PRRT4: variants seen among roughly 807,000 people sequenced by gnomAD.
PRRT4 encodes proline-rich transmembrane protein 4.
Under a neutral mutation model 55.6 loss-of-function variants are expected in PRRT4, and 59 were observed. That is an observed-to-expected ratio of 1.06 (90% CI 0.86 to 1.32). The LOEUF (loss-of-function observed/expected upper bound fraction) is 1.32. Ranked by LOEUF, PRRT4 falls within the 40% of genes most tolerant of loss-of-function variation. PRRT4 has a pLI of 0.00. For synonymous variants in PRRT4, 606 were observed against 601.8 expected (o/e 1.01, Z -0.10); for missense variants, 1,217 against 1,222.0 (o/e 1.00, Z 0.06).
At chr7:128,357,161 G>A (rs1040610496) in intron 4 of PRRT4, among the ~76,000 whole-genome samples, 1 of 151,776 alleles carries the variant, frequency 6.6e-6, no homozygotes, top group Non-Finnish European at 1.5e-5. Flanking sequence ...AAAGATTCTA[G>A]AGGCAACACA....
At chr7:128,357,325 G>T (rs1002829208) in intron 4 of PRRT4, among the ~76,000 whole-genome samples, 18 of 151,970 alleles carry the variant, frequency 1.2e-4, no homozygotes, top group Admixed American at 9.8e-4. Context: ...GCTCTCCTGG[G>T]TTTATTTAGA....
At chr7:128,360,477 T>C (rs898621637) in intron 1 of PRRT4, among the ~76,000 whole-genome samples, 18 of 152,296 alleles carry the variant, frequency 1.2e-4, no homozygotes, top group African/African-American at 3.8e-4. Context: ...GCCCTTCCGA[T>C]GTCTTGACCT....
At chr7:128,356,516 T>C (rs1315877386) in intron 4 of PRRT4, among the ~76,000 whole-genome samples, 1 of 152,172 alleles carries the variant, frequency 6.6e-6, no homozygotes, top group Non-Finnish European at 1.5e-5. Flanking sequence ...AGCCTTCAGT[T>C]TTCCCCAGAA....
exon 5 of PRRT4, chr7:128,352,242 G>A (rs915941882): frequency 9.3e-5 from 144 of 1,540,930 alleles, no homozygotes; most frequent in Non-Finnish European, 1.2e-4. Flanking sequence ...GCAGCGGAAG[G>A]TCCTGCAGCA....
At chr7:128,353,688 G>C (rs575336953) in intron 4 of PRRT4, among the ~76,000 whole-genome samples, 1 of 152,280 alleles carries the variant, frequency 6.6e-6, no homozygotes, top group African/African-American at 2.4e-5. Flanking sequence ...AGGTGACATT[G>C]AGATGGACTC....
At chr7:128,359,652 C>G in exon 2 of PRRT4, 1 of 1,548,854 alleles carries the variant, frequency 6.5e-7, no homozygotes. Flanking sequence ...TCGGTGGAGC[C>G]CCACTCAGTG....
At chr7:128,357,648 G>C (rs1261513875) in intron 4 of PRRT4, among the ~76,000 whole-genome samples, 1 of 152,228 alleles carries the variant, frequency 6.6e-6, no homozygotes, top group East Asian at 1.9e-4. Flanking sequence ...CCAGGTCATG[G>C]GTTAAGTCTG....
At chr7:128,353,038 C>G (rs1797035774) in intron 4 of PRRT4, among the ~76,000 whole-genome samples, 1 of 152,064 alleles carries the variant, frequency 6.6e-6, no homozygotes, top group Admixed American at 6.5e-5. Flanking sequence ...AGTTCAATCC[C>G]CCCACCAGAA....
chr7:128,351,329 C>T (rs1256877950), exon 5 of PRRT4: 1 of 1,546,358 alleles, frequency 6.5e-7, no homozygotes. Flanking sequence ...AGGCCAGGCG[C>T]AAGCAGGGCC....
rs766340601 is a variant in PRRT4 at position 128,350,892 on chromosome 7, G to A, written c.2664C>T (p.Asp888=). 8.4e-6 allele frequency: 13 copies of A among 1,550,768 alleles called. No individual in the cohort carries two copies. In the South Asian group the frequency reaches 1.2e-4, roughly 14 times the overall value. The change falls in exon 5 of 5, where the codon GAC becomes GAT. Residue 888 remains aspartate, a synonymous_variant. Transcript: ENST00000535159. ...TGGTGTCGCTGCCCACGCTCAGCTC[G>A]TCGATCTGTCGGCAGGCGTCCAGGA...
chr7:128,351,497 G>C (rs1285754730), exon 5 of PRRT4: 1 of 1,513,296 alleles, frequency 6.6e-7, no homozygotes, highest in Non-Finnish European at 8.8e-7. Flanking sequence ...TGGAGTAGGA[G>C]GTCTGGGCCT....
At chr7:128,355,711 G>A (rs888778394) in intron 4 of PRRT4, among the ~76,000 whole-genome samples, 1 of 152,178 alleles carries the variant, frequency 6.6e-6, no homozygotes, top group Non-Finnish European at 1.5e-5. Flanking sequence ...CAAAGTGATT[G>A]GGTTTGCTCC....
Position 128,351,244 on chromosome 7 carries a change from CCCCCGGTCCCCAG to C in PRRT4, c.2299_2311del (p.Leu767AlafsTer120). On this transcript the variant is annotated frameshift_variant, in exon 5 of 5. Transcript: ENST00000535159. LOFTEE classifies it high-confidence loss of function. ...CTCCCCTGATCTCTCACTGGCCCTG[CCCCCGGTCCCCAG>C]CGAGGCGGTGCGGTAGAGTCCGAGC... The C allele has an allele frequency of 6.5e-7, 1 of 1,539,312 alleles. No individual in the cohort carries two copies. Among genetic ancestry groups the C allele is most frequent in the Non-Finnish European group, 8.7e-7 (1 of 1,146,514 alleles).
In PRRT4 at chr7:128,358,664, A is replaced by G. The variant is rs1797166178; in HGVS notation, c.877+17T>C. ...CTCAATAAATAATTGTCAAGTTCAA[A>G]TGAATTGGATACTTACCTAATGATG... On this transcript the variant is annotated intron_variant, in intron 4 of 4. Coordinates refer to ENST00000535159, the Ensembl canonical transcript of PRRT4. This position sits in a 1 kb window ranked among gnomAD's most constrained non-coding sequence, Gnocchi z 4.4. 6.4e-7 allele frequency: 1 copy of G among 1,550,902 alleles called. No homozygotes were observed. Among genetic ancestry groups the G allele is most frequent in the Non-Finnish European group, 8.7e-7 (1 of 1,146,348 alleles).
downstream of PRRT4, chr7:128,350,679 A>T (rs1796936072): frequency 1.0e-6 from 1 of 999,874 alleles, no homozygotes; most frequent in African/African-American, 1.6e-5. Flanking sequence ...GGTGGCACTG[A>T]TTCCCAATCG....
In PRRT4 at chr7:128,350,903, G is replaced by A. The variant is rs1796942808; in HGVS notation, c.2653C>T (p.Arg885Ter). ...CCCACGCTCAGCTCGTCGATCTGTCGGCAGGCGTCCAGGAACTGCTCCTGC... is the reference window on the plus strand; with the variant it reads ...CCCACGCTCAGCTCGTCGATCTGTCAGCAGGCGTCCAGGAACTGCTCCTGC... Residue 885 changes from arginine to a stop codon, truncating the protein, a stop_gained, in exon 5 of 5, where the codon CGA (arginine) becomes TGA (stop). Coordinates refer to ENST00000535159, the Ensembl canonical transcript of PRRT4. LOFTEE classifies it high-confidence loss of function. 1 of 1,550,832 alleles carries A rather than the reference G, an allele frequency of 6.4e-7. No homozygotes were observed. The highest frequency in any genetic ancestry group is 1.4e-5 in the African/African-American group (1 of 73,152).
intron 4 of PRRT4, among the ~76,000 whole-genome samples, chr7:128,355,895 C>T (rs1458716448): frequency 6.6e-6 from 1 of 152,200 alleles, no homozygotes; most frequent in Non-Finnish European, 1.5e-5. Context: ...ACTTCTCACC[C>T]ATGGGCCACA....
At position 128,358,810 on chromosome 7, in the gene PRRT4, G is replaced by GA. The variant is rs2116490751; in HGVS notation, c.758-11dup. On this transcript the variant is annotated splice_polypyrimidine_tract_variant and intron_variant, in intron 3 of 4. Transcript: ENST00000535159. The surrounding 1 kb of genome is among the most constrained non-coding windows in gnomAD (Gnocchi z 4.4). ...GTGGTACCAAGGAACCCTGCAAAGG[G>GA]AGCACATGGGGCTCAAGTGCCACCC... 1.3e-6 allele frequency: 2 copies of GA among 1,523,048 alleles called. No individual in the cohort carries two copies. The highest frequency in any genetic ancestry group is 4.9e-5 in the East Asian group (2 of 40,732). The allele number at this position is 1,523,048 out of a possible 1,614,324, so 94.3% of individuals were successfully genotyped here. A position where few individuals can be genotyped will look rare whatever the true frequency, so the allele number is the denominator to read the frequency against.
exon 2 of PRRT4, chr7:128,359,378 G>T: frequency 4.1e-6 from 6 of 1,469,098 alleles, no homozygotes; most frequent in Non-Finnish European, 5.4e-6. Context: ...TGCCAGGCTG[G>T]CCCGCAGGCT....
Sources: gnomAD v4.1 joint callset for allele counts (sites outside exome capture counted in the v4.1 genomes callset) on GRCh38, gnomAD v4.1.1 for gene constraint, Gnocchi (gnomAD v3.1) non-coding constraint, MANE v1.5 for transcripts, NCBI Gene and HGNC (gene_info 2026-07-23, HGNC 2026-07-21) for gene names.